Variants in CSMD1 observed in about 807,000 individuals in gnomAD.
The protein encoded by CSMD1 is CUB and sushi domain-containing protein 1.
A neutral mutation model predicts 417.5 loss-of-function variants in CSMD1; 213 were observed. The ratio of observed to expected loss-of-function variants is 0.51; its 90% CI spans 0.46 to 0.57. CSMD1 has a LOEUF of 0.57. Ranked by LOEUF, CSMD1 falls within the 20% of genes least tolerant of loss-of-function variation. CSMD1 has a pLI of 0.00. For synonymous variants in CSMD1, 2,862 were observed against 1,736.8 expected (o/e 1.65, Z -16.11); for missense variants, 6,923 against 4,529.7 (o/e 1.53, Z -15.17).
chr8:3,204,471 G>A (rs1442398), intron 31 of CSMD1, among the ~76,000 whole-genome samples: 64,656 of 151,766 alleles, frequency 0.43, 13,814 homozygotes, highest in Admixed American at 0.45. Context: ...TAAAGAATTT[G>A]GTCCAACTTA....
At chr8:3,532,656 T>A (rs1267739089) in intron 10 of CSMD1, among the ~76,000 whole-genome samples, 2 of 152,178 alleles carry the variant, frequency 1.3e-5, no homozygotes, top group Admixed American at 6.5e-5. Context: ...CTGAAACTGA[T>A]CTGCAATTAT....
intron 6 of CSMD1, among the ~76,000 whole-genome samples, chr8:3,708,989 T>A (rs1438510755): frequency 2.0e-5 from 3 of 152,172 alleles, no homozygotes; most frequent in Admixed American, 1.3e-4. Context: ...AGGAAAGGCA[T>A]GCTCTACGTG....
At chr8:2,974,829 GTTTATGAAGT>G (rs1424997290) in intron 55 of CSMD1, among the ~76,000 whole-genome samples, 6 of 152,128 alleles carry the variant, frequency 3.9e-5, no homozygotes, top group Non-Finnish European at 7.4e-5. Context: ...GAAAGGTCCC[GTTTATGAAGT>G]TTTTGTTTTG....
chr8:3,168,404 T>G (rs1164411661), intron 37 of CSMD1, among the ~76,000 whole-genome samples: 7 of 152,126 alleles, frequency 4.6e-5, no homozygotes, highest in African/African-American at 9.7e-5. Context: ...AACACAGAGG[T>G]GCTGCTCGTT....
intron 1 of CSMD1, among the ~76,000 whole-genome samples, chr8:4,816,506 G>C (rs563067699): frequency 6.6e-6 from 1 of 152,102 alleles, no homozygotes; most frequent in South Asian, 2.1e-4. Flanking sequence ...GGGATTACAG[G>C]TGTGAGCCAC....
intron 6 of CSMD1, among the ~76,000 whole-genome samples, chr8:3,717,789 G>C (rs115237102): frequency 0.026 from 3,947 of 152,194 alleles, 170 homozygotes; most frequent in African/African-American, 0.09. Context: ...ATTTTTAATA[G>C]ATTATTCATA....
chr8:3,489,725 C>T (rs1398405842), intron 11 of CSMD1, among the ~76,000 whole-genome samples: 2 of 152,006 alleles, frequency 1.3e-5, no homozygotes, highest in African/African-American at 4.8e-5. Context: ...AAGTCATTGC[C>T]AGAAATAAGA....
chr8:3,220,040 G>C (rs925130124), intron 28 of CSMD1, among the ~76,000 whole-genome samples: 7 of 151,646 alleles, frequency 4.6e-5, no homozygotes, highest in Non-Finnish European at 1.0e-4. Context: ...AGCTACTCAG[G>C]AAGCTAAGGC....
intron 5 of CSMD1, among the ~76,000 whole-genome samples, chr8:3,782,780 A>T (rs1799251952): frequency 6.6e-6 from 1 of 152,256 alleles, no homozygotes; most frequent in Non-Finnish European, 1.5e-5. Context: ...AATAAACTTT[A>T]GGAATTAAAG....
chr8:3,970,323 G>C (rs1434118952), intron 5 of CSMD1, among the ~76,000 whole-genome samples: 1 of 152,140 alleles, frequency 6.6e-6, no homozygotes, highest in African/African-American at 2.4e-5. Flanking sequence ...GATCAACACA[G>C]AGAATCCTAT....
intron 6 of CSMD1, among the ~76,000 whole-genome samples, chr8:3,736,908 G>C (rs547863157): frequency 1.3e-5 from 2 of 152,288 alleles, no homozygotes; most frequent in East Asian, 1.9e-4. Flanking sequence ...CATCCTACTA[G>C]AACATTCCGT....
chr8:3,400,162 C>T (rs967551794), intron 15 of CSMD1, among the ~76,000 whole-genome samples: 1 of 152,136 alleles, frequency 6.6e-6, no homozygotes, highest in African/African-American at 2.4e-5. Context: ...AATTACTGCT[C>T]AGTGAAAGTG....
intron 49 of CSMD1, among the ~76,000 whole-genome samples, chr8:3,076,235 C>T (rs1473171023): frequency 1.8e-5 from 2 of 108,904 alleles, no homozygotes; most frequent in Admixed American, 1.7e-4. Context: ...GACCCTATCT[C>T]CTTTGTGTGT....
At chr8:4,084,242 T>C (rs886102247) in intron 3 of CSMD1, among the ~76,000 whole-genome samples, 2 of 151,446 alleles carry the variant, frequency 1.3e-5, no homozygotes, top group South Asian at 2.1e-4. Flanking sequence ...AATCCCTTAC[T>C]ACAAAATAAA....
intron 5 of CSMD1, among the ~76,000 whole-genome samples, chr8:3,950,162 G>C (rs1811509930): frequency 6.6e-6 from 1 of 152,160 alleles, no homozygotes; most frequent in African/African-American, 2.4e-5. Context: ...ACTTACAGAA[G>C]AAAGGTAAAC....
intron 3 of CSMD1, among the ~76,000 whole-genome samples, chr8:4,375,676 A>C (rs1335247019): frequency 6.6e-6 from 1 of 152,102 alleles, no homozygotes; most frequent in Non-Finnish European, 1.5e-5. Context: ...AGGAATGCCC[A>C]CAGAGTGAGA....
chr8:3,676,747 T>C (rs552639077), intron 7 of CSMD1, among the ~76,000 whole-genome samples: 51 of 152,214 alleles, frequency 3.4e-4, no homozygotes, highest in African/African-American at 1.2e-3. Context: ...ATAATAAACA[T>C]AGCAAACACT....
intron 3 of CSMD1, among the ~76,000 whole-genome samples, chr8:4,290,815 T>G (rs933963134): frequency 6.6e-6 from 1 of 152,216 alleles, no homozygotes; most frequent in African/African-American, 2.4e-5. Context: ...AAATCACAAT[T>G]TGTAATTAAA....
intron 10 of CSMD1, among the ~76,000 whole-genome samples, chr8:3,551,784 T>C (rs1798926439): frequency 6.6e-6 from 1 of 152,118 alleles, no homozygotes; most frequent in Non-Finnish European, 1.5e-5. Flanking sequence ...ATGTTCTCTG[T>C]AATGTGATCA....
Sources: gnomAD v4.1 joint callset for allele counts (sites outside exome capture counted in the v4.1 genomes callset) on GRCh38, gnomAD v4.1.1 for gene constraint, MANE v1.5 for transcripts, NCBI Gene and HGNC (gene_info 2026-07-23, HGNC 2026-07-21) for gene names.